Variants in PHEX observed in about 807,000 individuals in gnomAD.
PHEX encodes phosphate regulating endopeptidase X-linked.
In PHEX, 16 loss-of-function variants were observed where a neutral mutation model predicts 68.0. The ratio of observed to expected loss-of-function variants is 0.24; its 90% confidence interval spans 0.16 to 0.36. The LOEUF (loss-of-function observed/expected upper bound fraction) is 0.36, where lower values mean the gene tolerates loss of function less well. PHEX is among the 10% of genes least tolerant of loss of function. The probability of loss-of-function intolerance (pLI) is 1.00; values close to 1 mark genes in which losing one functional copy is unlikely to be tolerated. For synonymous variants in PHEX, 208 were observed against 205.1 expected, an observed-to-expected ratio of 1.01 and a Z score of -0.12; for missense variants, 480 against 575.5, an observed-to-expected ratio of 0.83 and a Z score of 1.70.
chrX:22,119,637 G>C (rs2147071271), intron 11 of PHEX, among the ~76,000 whole-genome samples: 1 of 104,704 alleles, frequency 9.6e-6, no homozygotes, highest in South Asian at 4.4e-4. Flanking sequence ...CCATCACCCA[G>C]GCTGAAGTGC....
At chrX:22,203,837 A>T (rs758858851) in intron 15 of PHEX, among the ~76,000 whole-genome samples, 2 of 112,231 alleles carry the variant, frequency 1.8e-5, no homozygotes, top group Non-Finnish European at 3.8e-5. Flanking sequence ...TTACATTGTT[A>T]CATGCATGGT....
At chrX:22,085,914 G>A (rs1405661403) in intron 5 of PHEX, among the ~76,000 whole-genome samples, 1 of 111,924 alleles carries the variant, frequency 8.9e-6, no homozygotes, top group Non-Finnish European at 1.9e-5. Flanking sequence ...TATCATTACT[G>A]TATTGCAGTC....
chrX:22,126,107 T>C (rs1931708317), intron 11 of PHEX, among the ~76,000 whole-genome samples: 1 of 112,105 alleles, frequency 8.9e-6, no homozygotes, highest in East Asian at 2.8e-4. Context: ...AAAAATCATA[T>C]CACATGAGAT....
At chrX:22,092,940 C>T (rs1173815991) in intron 6 of PHEX, among the ~76,000 whole-genome samples, 17 of 108,595 alleles carry the variant, frequency 1.6e-4, no homozygotes, top group East Asian at 8.7e-4. Flanking sequence ...TTAGTAGAGA[C>T]GGGGTTTCAC....
chrX:22,078,988 C>T (rs1003163436), intron 5 of PHEX, among the ~76,000 whole-genome samples: 1 of 111,971 alleles, frequency 8.9e-6, no homozygotes, highest in Non-Finnish European at 1.9e-5. Context: ...ATGATGATGA[C>T]GACCCAACTG....
At chrX:22,121,198 A>G (rs371598814) in intron 11 of PHEX, among the ~76,000 whole-genome samples, 2 of 112,251 alleles carry the variant, frequency 1.8e-5, no homozygotes, top group Non-Finnish European at 3.8e-5. Flanking sequence ...TGTCAAGTCT[A>G]TTGCAACAGG....
chrX:22,080,835 T>G (rs2147024833), intron 5 of PHEX, among the ~76,000 whole-genome samples: 1 of 112,062 alleles, frequency 8.9e-6, no homozygotes, highest in African/African-American at 3.2e-5. Context: ...CTCGCTGATT[T>G]CACTTTTCCC....
At chrX:22,131,274 C>G (rs1479577030) in intron 11 of PHEX, among the ~76,000 whole-genome samples, 1 of 111,487 alleles carries the variant, frequency 9.0e-6, no homozygotes, top group Non-Finnish European at 1.9e-5. Flanking sequence ...CTCCTGACCT[C>G]AAGTAATCTG....
At chrX:22,150,876 G>T (rs1020630202) in intron 12 of PHEX, among the ~76,000 whole-genome samples, 1 of 112,355 alleles carries the variant, frequency 8.9e-6, no homozygotes, top group African/African-American at 3.2e-5. Context: ...CTTGAATATA[G>T]GTGGCCTTTC....
At chrX:22,149,848 T>G (rs1222820829) in intron 12 of PHEX, among the ~76,000 whole-genome samples, 1 of 112,918 alleles carries the variant, frequency 8.9e-6, no homozygotes, top group African/African-American at 3.2e-5. Flanking sequence ...TCTAAGTAAT[T>G]TCTGATTTCC....
At chrX:22,036,479 C>T (rs967711336) in intron 1 of PHEX, among the ~76,000 whole-genome samples, 3 of 111,601 alleles carry the variant, frequency 2.7e-5, no homozygotes, top group Non-Finnish European at 5.6e-5. Flanking sequence ...AAGTCTTTAA[C>T]GATTTTATTA....
intron 7 of PHEX, among the ~76,000 whole-genome samples, chrX:22,094,565 T>C (rs1188406289): frequency 8.9e-6 from 1 of 112,716 alleles, no homozygotes; most frequent in Non-Finnish European, 1.9e-5. Flanking sequence ...CAGGGAAATC[T>C]GTCCACCAAT....
At chrX:22,230,334 A>G (rs1286929348) in intron 20 of PHEX, among the ~76,000 whole-genome samples, 1 of 95,925 alleles carries the variant, frequency 1.0e-5, no homozygotes, top group African/African-American at 3.9e-5. Flanking sequence ...CTTGATGGGG[A>G]TAGCAATGAA....
intron 9 of PHEX, among the ~76,000 whole-genome samples, chrX:22,101,336 G>T (rs1374949099): frequency 8.9e-6 from 1 of 112,207 alleles, no homozygotes; most frequent in Admixed American, 9.4e-5. Flanking sequence ...TTTATTTGCA[G>T]ACTATGGTGA....
At chrX:22,055,787 C>T (rs1362180213) in intron 3 of PHEX, among the ~76,000 whole-genome samples, 30 of 111,934 alleles carry the variant, frequency 2.7e-4, no homozygotes, top group Admixed American at 1.9e-4. Flanking sequence ...TCTTAAACTC[C>T]GATCTCAGTT....
intron 15 of PHEX, 133 bp downstream of exon 15, chrX:22,190,635 TCTC>T (rs756994655): frequency 4.6e-4 from 248 of 541,583 alleles, no homozygotes; most frequent in Non-Finnish European, 7.3e-4. Flanking sequence ...GGAAGGTTGT[TCTC>T]CTACCTATAT....
At chrX:22,081,430 CCT>C (rs1929389832) in intron 5 of PHEX, among the ~76,000 whole-genome samples, 1 of 111,522 alleles carries the variant, frequency 9.0e-6, no homozygotes, top group African/African-American at 3.3e-5. Flanking sequence ...GGGAGAAATC[CCT>C]CTTACCTGAA....
intron 5 of PHEX, among the ~76,000 whole-genome samples, chrX:22,089,626 G>A (rs1159138525): frequency 9.2e-6 from 1 of 108,941 alleles, no homozygotes; most frequent in East Asian, 2.9e-4. Flanking sequence ...TCACCACGTT[G>A]GCCAGCCTGG....
intron 15 of PHEX, among the ~76,000 whole-genome samples, chrX:22,203,949 G>T (rs1934633743): frequency 9.0e-6 from 1 of 111,162 alleles, no homozygotes; most frequent in Non-Finnish European, 1.9e-5. Flanking sequence ...TTTCATAGTC[G>T]AATCACCTGG....
Sources: allele counts gnomAD v4.1 joint callset (sites outside exome capture counted in the v4.1 genomes callset), GRCh38; gene constraint gnomAD v4.1.1; transcripts MANE v1.5; gene names NCBI Gene and HGNC (gene_info 2026-07-23, HGNC 2026-07-21).